LPP: variants seen among roughly 807,000 people sequenced by gnomAD.
LPP encodes lipoma-preferred partner.
In LPP, 38 loss-of-function variants were observed where a neutral mutation model predicts 60.4. That is an observed-to-expected ratio of 0.63 (90% confidence interval 0.49 to 0.83). The LOEUF is 0.83. Among genes scored for constraint, LPP ranks in the 40% least tolerant of loss-of-function variants. LPP has a pLI of 0.00. For synonymous variants in LPP, 328 were observed against 290.8 expected (o/e 1.13, Z -1.30); for missense variants, 902 against 783.6 (o/e 1.15, Z -1.80).
At chr3:188,718,783 A>G (rs1264722483) in intron 8 of LPP, among the ~76,000 whole-genome samples, 1 of 152,204 alleles carries the variant, frequency 6.6e-6, no homozygotes, top group African/African-American at 2.4e-5. Flanking sequence ...TATATAGTAA[A>G]CTATAGGGAG....
intron 1 of LPP, among the ~76,000 whole-genome samples, chr3:188,155,442 C>G (rs1162636541): frequency 6.6e-6 from 1 of 152,204 alleles, no homozygotes; most frequent in Admixed American, 6.5e-5. Context: ...TTACCTTTCC[C>G]TGCACATGTG....
chr3:188,331,634 G>T (rs552899249), intron 2 of LPP, among the ~76,000 whole-genome samples: 165 of 152,152 alleles, frequency 1.1e-3, no homozygotes, highest in African/African-American at 3.8e-3. Context: ...TCCCATAGAA[G>T]GCTTTGGATG....
chr3:188,262,750 A>C (rs1038244824), intron 2 of LPP, among the ~76,000 whole-genome samples: 11 of 151,320 alleles, frequency 7.3e-5, no homozygotes, highest in African/African-American at 2.7e-4. Context: ...ACACACGGGG[A>C]AAAAAAATCA....
chr3:188,414,808 T>C (rs1427240950), intron 4 of LPP, among the ~76,000 whole-genome samples: 1 of 152,122 alleles, frequency 6.6e-6, no homozygotes, highest in Non-Finnish European at 1.5e-5. Context: ...AGGTGGCTTG[T>C]TCAGTATTGC....
chr3:188,676,534 TTA>T (rs1314090980), intron 7 of LPP, among the ~76,000 whole-genome samples: 2 of 152,212 alleles, frequency 1.3e-5, no homozygotes, highest in African/African-American at 4.8e-5. Flanking sequence ...TCGTTCTTTG[TTA>T]TATGTCTTTG....
At chr3:188,419,561 G>C (rs1392758312) in intron 4 of LPP, among the ~76,000 whole-genome samples, 1 of 152,164 alleles carries the variant, frequency 6.6e-6, no homozygotes, top group Non-Finnish European at 1.5e-5. Context: ...GGACTCACCA[G>C]GATAAGTGGC....
chr3:188,407,790 T>TTTTTTG (rs1553889497), intron 4 of LPP, among the ~76,000 whole-genome samples: 1 of 76,324 alleles, frequency 1.3e-5, no homozygotes, highest in African/African-American at 4.9e-5. Context: ...GTTTGTTTGT[T>TTTTTTG]TTTTTTTTTT....
intron 7 of LPP, among the ~76,000 whole-genome samples, chr3:188,692,438 G>A (rs995746631): frequency 6.6e-6 from 1 of 152,134 alleles, no homozygotes. Context: ...GTACTTTTTC[G>A]AGATTTCACC....
chr3:188,801,852 A>G (rs1747375954), intron 9 of LPP, among the ~76,000 whole-genome samples: 1 of 152,234 alleles, frequency 6.6e-6, no homozygotes, highest in Non-Finnish European at 1.5e-5. Context: ...ATAGCATAGT[A>G]TCTTACAGAA....
At chr3:188,302,900 A>C (rs1264634497) in intron 2 of LPP, among the ~76,000 whole-genome samples, 1 of 152,208 alleles carries the variant, frequency 6.6e-6, no homozygotes, top group Non-Finnish European at 1.5e-5. Flanking sequence ...TGCTAACAAC[A>C]TTCTATTCTG....
chr3:188,457,911 A>G (rs1283134565), intron 4 of LPP, among the ~76,000 whole-genome samples: 1 of 152,084 alleles, frequency 6.6e-6, no homozygotes, highest in Non-Finnish European at 1.5e-5. Flanking sequence ...TCCGTCTCAA[A>G]AAATATCCTT....
chr3:188,583,014 G>A (rs1315806249), intron 6 of LPP, among the ~76,000 whole-genome samples: 1 of 152,082 alleles, frequency 6.6e-6, no homozygotes, highest in Non-Finnish European at 1.5e-5. Context: ...TATCCACCAA[G>A]GCTTTCCTAA....
At chr3:188,177,943 G>T (rs1723567228) in intron 1 of LPP, among the ~76,000 whole-genome samples, 1 of 152,198 alleles carries the variant, frequency 6.6e-6, no homozygotes, top group Non-Finnish European at 1.5e-5. Flanking sequence ...GTTCAAGATG[G>T]TTCTAAGCCC....
intron 9 of LPP, among the ~76,000 whole-genome samples, chr3:188,805,722 A>G (rs969604085): frequency 2.0e-5 from 3 of 151,806 alleles, no homozygotes; most frequent in Admixed American, 1.3e-4. Flanking sequence ...TTTTTCTAAT[A>G]TGAACATCCA....
chr3:188,480,142 A>G (rs1804371510), intron 4 of LPP, among the ~76,000 whole-genome samples: 1 of 152,184 alleles, frequency 6.6e-6, no homozygotes, highest in African/African-American at 2.4e-5. Flanking sequence ...GCTTGAGAAA[A>G]TATGCATAGC....
chr3:188,549,477 TAGTTC>T (rs1827508880), intron 6 of LPP, among the ~76,000 whole-genome samples: 1 of 152,242 alleles, frequency 6.6e-6, no homozygotes, highest in Non-Finnish European at 1.5e-5. Context: ...GCATGACTGA[TAGTTC>T]AGTGACCTGT....
intron 4 of LPP, among the ~76,000 whole-genome samples, chr3:188,452,844 G>A (rs1796901140): frequency 6.6e-6 from 1 of 152,130 alleles, no homozygotes; most frequent in Non-Finnish European, 1.5e-5. Flanking sequence ...AAGAATCTCT[G>A]TTTTGTCATA....
intron 3 of LPP, among the ~76,000 whole-genome samples, chr3:188,362,152 C>T (rs75026683): frequency 0.14 from 21,642 of 151,970 alleles, 1,885 homozygotes; most frequent in African/African-American, 0.24. Context: ...ATTTGAACAA[C>T]CCTTTTGAAG....
At chr3:188,822,048 G>A (rs1754114606) in intron 9 of LPP, among the ~76,000 whole-genome samples, 1 of 152,070 alleles carries the variant, frequency 6.6e-6, no homozygotes, top group Admixed American at 6.6e-5. Flanking sequence ...AGGAATGGCT[G>A]TTTTCTGCTC....
Sources: allele counts gnomAD v4.1 joint callset (sites outside exome capture counted in the v4.1 genomes callset), GRCh38; gene constraint gnomAD v4.1.1; transcripts MANE v1.5; gene names NCBI Gene and HGNC (gene_info 2026-07-23, HGNC 2026-07-21).